ZNF226: variants seen among roughly 807,000 people sequenced by gnomAD.
The protein encoded by ZNF226 is zinc finger protein 226, also known as Kruppel-associated box protein.
Under a neutral mutation model 11.4 loss-of-function variants are expected in ZNF226, and 6 were observed. The ratio of observed to expected loss-of-function variants is 0.53; its 90% confidence interval spans 0.29 to 1.04. ZNF226 has a LOEUF of 1.04. ZNF226 is among the 50% of genes least tolerant of loss of function. The probability of loss-of-function intolerance (pLI) is 0.08; values close to 1 mark genes in which losing one functional copy is unlikely to be tolerated. For missense variants in ZNF226, 1,058 were observed against 956.5 expected (o/e 1.11, Z -1.40); for synonymous variants, 350 against 322.8 (o/e 1.08, Z -0.90).
the ZNF226 span, among the ~76,000 whole-genome samples, chr19:44,191,977 G>C: frequency 6.6e-6 from 1 of 152,178 alleles, no homozygotes; most frequent in East Asian, 1.9e-4. Flanking sequence ...AGTTGAGCCT[G>C]ATGAAAAGGT....
downstream of ZNF226, among the ~76,000 whole-genome samples, chr19:44,181,418 G>A (rs895269050): frequency 6.6e-6 from 1 of 151,938 alleles, no homozygotes; most frequent in African/African-American, 2.4e-5. Context: ...CTTGCACCAT[G>A]GACTCAACTT....
rs751194724 is a variant in ZNF226 at position 44,172,912 on chromosome 19, T to A, written c.195T>A (p.Leu65=). Reference sequence around the variant, plus strand: ...CACCTATAGAAAGAAATGAGCAGCTTTGGATAATGACGACAGCAACCCGAA... The same window carrying A: ...CACCTATAGAAAGAAATGAGCAGCTATGGATAATGACGACAGCAACCCGAA... ...DVSPIERNEQ[L]WIMTTATRRQ... The change falls in exon 5 of 6, where the codon CTT becomes CTA. Residue 65 remains leucine, a synonymous_variant. Transcript: ENST00000337433. 1 of 1,606,198 alleles carries A rather than the reference T, an allele frequency of 6.2e-7. No individual in the cohort carries two copies. Among genetic ancestry groups the A allele is most frequent in the Non-Finnish European group, 8.5e-7 (1 of 1,176,292 alleles).
At chr19:44,198,912 C>T in the ZNF226 span, among the ~76,000 whole-genome samples, 2 of 152,074 alleles carry the variant, frequency 1.3e-5, no homozygotes, top group African/African-American at 2.4e-5. Context: ...TCAAAGGATT[C>T]TCCTGCCTCA....
At chr19:44,182,926 G>A (rs1970929217), downstream of ZNF226, among the ~76,000 whole-genome samples, 1 of 152,146 alleles carries the variant, frequency 6.6e-6, no homozygotes, top group Non-Finnish European at 1.5e-5. Context: ...TCTGGGTCTG[G>A]TAAATCAACA....
At chr19:44,186,834 TC>T in the ZNF226 span, among the ~76,000 whole-genome samples, 2 of 151,816 alleles carry the variant, frequency 1.3e-5, no homozygotes, top group South Asian at 4.2e-4. Flanking sequence ...TATATGGCTG[TC>T]ATTATATTTA....
chr19:44,175,426 T>C, intron 5 of ZNF226, 72 bp from the exon 6 acceptor site: 1 of 1,505,572 alleles, frequency 6.6e-7, no homozygotes. Context: ...TCTTTTACTC[T>C]GTCCTCAGTG....
rs1378684085 is a variant in ZNF226, at chr19:44,175,900, A to AT, written c.639dup (p.Gly214TrpfsTer3). Reference sequence around the variant, plus strand: ...CCCATCGGTTGGATTTCACATCATGATGGTCATAGAGTACACAAAAGTGAA... The same window carrying AT: ...CCCATCGGTTGGATTTCACATCATGATTGGTCATAGAGTACACAAAAGTGAA... On this transcript the variant is annotated frameshift_variant, in exon 6 of 6. Transcript: ENST00000337433. LOFTEE classifies it low-confidence loss of function (END_TRUNC). The AT allele has an allele frequency of 6.2e-7, 1 of 1,612,926 alleles. No homozygotes were observed. The highest frequency in any genetic ancestry group is 8.5e-7 in the Non-Finnish European group (1 of 1,179,592).
At chr19:44,165,511 T>C (rs1222376923) in intron 1 of ZNF226, 1 of 152,190 alleles carries the variant, frequency 6.6e-6, no homozygotes, top group Non-Finnish European at 1.5e-5. Context: ...TAGAATGTTT[T>C]GAGAGAAAAC....
intron 2 of ZNF226, among the ~76,000 whole-genome samples, chr19:44,168,174 C>T (rs1012176895): frequency 6.6e-6 from 1 of 151,206 alleles, no homozygotes; most frequent in African/African-American, 2.4e-5. Context: ...GTAGACCTGT[C>T]TCATTCTTGT....
Position 44,175,517 on chromosome 19 carries a change from G to A in ZNF226, c.255G>A (p.Lys85=). The change falls in exon 6 of 6, where the codon AAG becomes AAA. Residue 85 remains lysine, a synonymous_variant. Coordinates refer to ENST00000337433, the MANE Select transcript of ZNF226 (RefSeq NM_001032373.2). The part of the protein sequence containing the change: ...QGNLGEKNQS[K]LITVQDRESE... ...TTACAGGAGAGAAAAATCAAAGTAAGTTAATTACTGTTCAAGACAGAGAAT... is the reference window on the plus strand; with the variant it reads ...TTACAGGAGAGAAAAATCAAAGTAAATTAATTACTGTTCAAGACAGAGAAT... 6.3e-7 allele frequency: 1 copy of A among 1,593,472 alleles called. No homozygotes were observed. Among genetic ancestry groups the A allele is most frequent in the African/African-American group, 1.4e-5 (1 of 74,000 alleles).
the ZNF226 span, among the ~76,000 whole-genome samples, chr19:44,184,363 C>T: frequency 7.2e-5 from 11 of 152,022 alleles, no homozygotes; most frequent in African/African-American, 2.2e-4. Context: ...AGGTGGATCA[C>T]GAGGTCAGGG....
At chr19:44,195,082 G>A in the ZNF226 span, among the ~76,000 whole-genome samples, 4 of 152,156 alleles carry the variant, frequency 2.6e-5, no homozygotes, top group Non-Finnish European at 4.4e-5. Context: ...CTCACAGAAC[G>A]TAAGTTCTGT....
chr19:44,173,843 G>A (rs1970401566), intron 5 of ZNF226: 1 of 152,106 alleles, frequency 6.6e-6, no homozygotes, highest in Admixed American at 6.5e-5. Flanking sequence ...CTTATATTGT[G>A]TGTAAGCACT....
chr19:44,182,310 A>G (rs1003396579), downstream of ZNF226, among the ~76,000 whole-genome samples: 1 of 152,188 alleles, frequency 6.6e-6, no homozygotes, highest in African/African-American at 2.4e-5. Context: ...CTTGGCCTCT[A>G]GCCACTAGAT....
chr19:44,183,604 G>A, the ZNF226 span, among the ~76,000 whole-genome samples: 9 of 152,190 alleles, frequency 5.9e-5, no homozygotes, highest in Non-Finnish European at 1.2e-4. Flanking sequence ...GATCAATAGG[G>A]TGACAGATGT....
chr19:44,173,364 T>C (rs369021485), intron 5 of ZNF226: 83 of 264,142 alleles, frequency 3.1e-4, no homozygotes, highest in East Asian at 2.6e-3. Flanking sequence ...TGCTTCTGCC[T>C]CACAACCCTG....
chr19:44,176,002 C>G lies in ZNF226; in HGVS notation c.740C>G (p.Thr247Arg), dbSNP rs192414700. 1 of 1,613,954 alleles carries G rather than the reference C, an allele frequency of 6.2e-7. No homozygotes were observed. Among genetic ancestry groups the G allele is most frequent in the South Asian group, 1.1e-5 (1 of 91,074 alleles). Residue 247 changes from threonine to arginine, a missense_variant, in exon 6 of 6, where the codon ACA becomes AGA. Physicochemically the swap from Thr to Arg is moderately conservative, Grantham distance 71 (BLOSUM62 -1). Transcript: ENST00000337433. Reference sequence around the variant, plus strand: ...TTTGATCACAATAGCATGATTCACACAGGACAGAAATCGTACCAGTGTAAT... The same window carrying G: ...TTTGATCACAATAGCATGATTCACAGAGGACAGAAATCGTACCAGTGTAAT... The part of the protein sequence containing the change: ...LTFDHNSMIH[T>R]GQKSYQCNEC...
At chr19:44,186,261 G>A in the ZNF226 span, among the ~76,000 whole-genome samples, 1 of 151,880 alleles carries the variant, frequency 6.6e-6, no homozygotes, top group Admixed American at 6.6e-5. Context: ...TTTTGATAGT[G>A]ATTGCATTGA....
Position 44,177,461 on chromosome 19 carries a change from TAA to T in ZNF226, c.2201_2202del (p.Lys734SerfsTer22), listed in dbSNP as rs1970802054. The T allele has an allele frequency of 6.2e-7, 1 of 1,614,064 alleles. No homozygotes were observed. The highest frequency in any genetic ancestry group is 8.5e-7 in the Non-Finnish European group (1 of 1,180,036). On this transcript the variant is annotated frameshift_variant, in exon 6 of 6. Transcript: ENST00000337433. LOFTEE classifies it low-confidence loss of function (END_TRUNC). ...AACCATACAAATGTGATGTGTGTGG[TAA>T]AGTCTTCAGTCGGTCTTCACAACTA... ...EKPYKCDVCG[K>X]VFSRSSQLQS...
Sources: allele counts gnomAD v4.1 joint callset (sites outside exome capture counted in the v4.1 genomes callset), GRCh38; gene constraint gnomAD v4.1.1; transcripts MANE v1.5; gene names NCBI Gene and HGNC (gene_info 2026-07-23, HGNC 2026-07-21).